The following ZNF138 variants were observed in gnomAD, a reference collection of about 807,000 sequenced individuals.
The protein encoded by ZNF138 is zinc finger protein 138.
ZNF138 carries 33 observed loss-of-function variants against 33.0 expected under a neutral mutation model. That is an observed-to-expected ratio of 1.00 (90% CI 0.76 to 1.34). The LOEUF (loss-of-function observed/expected upper bound fraction) is 1.34. Among genes scored for constraint, ZNF138 ranks in the 40% most tolerant of loss-of-function variants. The probability of loss-of-function intolerance (pLI) is 0.00; values close to 1 mark genes in which losing one functional copy is unlikely to be tolerated. For synonymous variants in ZNF138, 139 were observed against 120.4 expected (o/e 1.15, Z -1.01); for missense variants, 360 against 370.8 (o/e 0.97, Z 0.24).
chr7:64,814,813 A>T, intron 1 of ZNF138, 105 bp from the exon 2 acceptor site: 1 of 1,432,410 alleles, frequency 7.0e-7, no homozygotes, highest in Non-Finnish European at 9.6e-7. Context: ...TGTAAGACAT[A>T]ATCAGTTTTC....
intron 3 of ZNF138, among the ~76,000 whole-genome samples, chr7:64,825,859 A>G (rs1789570505): frequency 6.6e-6 from 1 of 152,018 alleles, no homozygotes; most frequent in Non-Finnish European, 1.5e-5. Context: ...GTTTTAAGAT[A>G]CTGTTACACT....
chr7:64,839,126 C>T, the ZNF138 span, among the ~76,000 whole-genome samples: 1 of 152,214 alleles, frequency 6.6e-6, no homozygotes, highest in Non-Finnish European at 1.5e-5. Flanking sequence ...ATTTGCCTCG[C>T]CTCTGACAAA....
chr7:64,858,404 A>G, the ZNF138 span, among the ~76,000 whole-genome samples: 1 of 152,204 alleles, frequency 6.6e-6, no homozygotes, highest in African/African-American at 2.4e-5. Flanking sequence ...CTAAAAAATC[A>G]TGGGGAAGTC....
chr7:64,804,633 A>G (rs1028779756), intron 1 of ZNF138, among the ~76,000 whole-genome samples: 8 of 152,030 alleles, frequency 5.3e-5, no homozygotes, highest in African/African-American at 7.2e-5. Flanking sequence ...AATATAAAAT[A>G]AGCCAGGTGT....
chr7:64,827,227 C>T (rs1035775313), intron 3 of ZNF138, among the ~76,000 whole-genome samples: 21 of 149,666 alleles, frequency 1.4e-4, no homozygotes, highest in Non-Finnish European at 3.0e-4. Context: ...CAGGGATGAG[C>T]CACTGTGCTT....
At chr7:64,801,422 A>G (rs1176677426) in intron 1 of ZNF138, among the ~76,000 whole-genome samples, 3 of 152,122 alleles carry the variant, frequency 2.0e-5, no homozygotes, top group African/African-American at 7.2e-5. Flanking sequence ...TATATACCCA[A>G]AAGTTATTCA....
At position 64,832,636 on chromosome 7, in the gene ZNF138, AT is replaced by A; in HGVS notation, c.*435del. 2.1e-6 allele frequency: 1 copy of A among 466,358 alleles called. No individual in the cohort carries two copies. Among genetic ancestry groups the A allele is most frequent in the Admixed American group, 2.6e-5 (1 of 38,110 alleles). The allele number at this position is 466,358 out of a possible 1,614,324, so 28.9% of individuals were successfully genotyped here. ...AACCAGTCCTCACACCTTATGAGAC[AT>A]AAGAAAATTCATAGTAAAGAGAAAC... On this transcript the variant is annotated 3_prime_UTR_variant, in exon 4 of 4. Coordinates refer to ENST00000307355, the MANE Select transcript of ZNF138 (RefSeq NM_001271639.2).
At chr7:64,813,464 C>T (rs1467884769) in intron 1 of ZNF138, among the ~76,000 whole-genome samples, 6 of 148,742 alleles carry the variant, frequency 4.0e-5, no homozygotes, top group South Asian at 2.1e-4. Context: ...AATGGAGTCT[C>T]GCGCTGTCGC....
intron 1 of ZNF138, among the ~76,000 whole-genome samples, chr7:64,798,623 A>C (rs1391542342): frequency 1.3e-5 from 2 of 151,608 alleles, no homozygotes; most frequent in Non-Finnish European, 2.9e-5. Context: ...GAAACCCTAC[A>C]AAAAAAATAG....
At chr7:64,834,371 C>G (rs1790303745), downstream of ZNF138, among the ~76,000 whole-genome samples, 1 of 152,106 alleles carries the variant, frequency 6.6e-6, no homozygotes, top group Admixed American at 6.6e-5. Flanking sequence ...ACTGACACTT[C>G]AAACATTGCA....
chr7:64,814,086 T>C, intron 1 of ZNF138: 8 of 1,232,952 alleles, frequency 6.5e-6, no homozygotes, highest in Non-Finnish European at 8.3e-6. Context: ...AATCACAGGC[T>C]CTTCCACTTA....
Position 64,794,534 on chromosome 7 carries a change from C to T in ZNF138, c.-35C>T. 1 of 1,613,004 alleles carries T rather than the reference C, an allele frequency of 6.2e-7. No individual in the cohort carries two copies. Among genetic ancestry groups the T allele is most frequent in the Non-Finnish European group, 8.5e-7 (1 of 1,179,302 alleles). ...TGTGATCTGGTTATTGGGAGATTCACAGCTAAGACGCCAGGATCCCCCGGA... is the reference window on the plus strand; with the variant it reads ...TGTGATCTGGTTATTGGGAGATTCATAGCTAAGACGCCAGGATCCCCCGGA... On this transcript the variant is annotated 5_prime_UTR_variant, in exon 1 of 4. Coordinates refer to ENST00000307355, the MANE Select transcript of ZNF138 (RefSeq NM_001271639.2).
At chr7:64,797,866 G>A (rs1562882976) in intron 1 of ZNF138, among the ~76,000 whole-genome samples, 1 of 152,128 alleles carries the variant, frequency 6.6e-6, no homozygotes, top group Non-Finnish European at 1.5e-5. Flanking sequence ...TCTTAGGGAG[G>A]AGCAAAAAAG....
chr7:64,849,450 A>C, the ZNF138 span, among the ~76,000 whole-genome samples: 1 of 152,036 alleles, frequency 6.6e-6, no homozygotes, highest in African/African-American at 2.4e-5. Flanking sequence ...TAAAGGGAGC[A>C]TCAGCTGTGG....
At chr7:64,858,664 G>A in the ZNF138 span, among the ~76,000 whole-genome samples, 1 of 152,042 alleles carries the variant, frequency 6.6e-6, no homozygotes, top group African/African-American at 2.4e-5. Flanking sequence ...CCTGTCGCAG[G>A]CAATCATTAT....
chr7:64,819,989 C>T (rs1364128015), intron 3 of ZNF138, among the ~76,000 whole-genome samples: 1 of 77,818 alleles, frequency 1.3e-5, no homozygotes, highest in Non-Finnish European at 2.5e-5. Context: ...GGGAGAATTA[C>T]TTGAGCCTAG....
chr7:64,838,571 G>A (rs927417168), downstream of ZNF138, among the ~76,000 whole-genome samples: 13 of 152,218 alleles, frequency 8.5e-5, no homozygotes, highest in East Asian at 3.9e-4. Flanking sequence ...CTTGCCTGTC[G>A]TTGTACCTCA....
chr7:64,845,905 T>A, the ZNF138 span, among the ~76,000 whole-genome samples: 1 of 152,212 alleles, frequency 6.6e-6, no homozygotes, highest in Non-Finnish European at 1.5e-5. Flanking sequence ...ATCTTAGATT[T>A]AAGTCTTAGA....
chr7:64,858,654 CCT>C, the ZNF138 span, among the ~76,000 whole-genome samples: 5 of 152,116 alleles, frequency 3.3e-5, no homozygotes, highest in African/African-American at 1.2e-4. Flanking sequence ...TTTTTCACCC[CCT>C]GTCGCAGGCA....
Sources: gnomAD v4.1 joint callset for allele counts (sites outside exome capture counted in the v4.1 genomes callset) on GRCh38, gnomAD v4.1.1 for gene constraint, MANE v1.5 for transcripts, NCBI Gene and HGNC (gene_info 2026-07-23, HGNC 2026-07-21) for gene names.